Variants in SV2C observed in about 807,000 individuals in gnomAD.
The protein encoded by SV2C is solute carrier family 22 member B3.
SV2C carries 49 observed loss-of-function variants against 79.7 expected under a neutral mutation model. That is an observed-to-expected ratio of 0.61 (90% CI 0.49 to 0.78). The LOEUF (loss-of-function observed/expected upper bound fraction) is 0.78, where lower values mean the gene tolerates loss of function less well. SV2C is among the 30% of genes least tolerant of loss of function. The pLI, the probability that SV2C is intolerant of heterozygous loss-of-function variation, is 0.00. For missense variants in SV2C, 833 were observed against 912.9 expected (o/e 0.91, Z 1.13); for synonymous variants, 334 against 333.2 (o/e 1.00, Z -0.03).
At chr5:76,079,692 CA>C, upstream of SV2C, 1 of 328,470 alleles carries the variant, frequency 3.0e-6, no homozygotes, top group South Asian at 3.4e-5. Flanking sequence ...GTGGAATTCT[CA>C]AAGGAGATCG....
the SV2C span, among the ~76,000 whole-genome samples, chr5:75,922,212 A>G: frequency 3.9e-5 from 6 of 152,314 alleles, no homozygotes; most frequent in South Asian, 4.1e-4. Context: ...AATGCAGGCC[A>G]TAAGTGATAG....
the SV2C span, among the ~76,000 whole-genome samples, chr5:76,054,354 T>A: frequency 6.6e-6 from 1 of 152,240 alleles, no homozygotes; most frequent in African/African-American, 2.4e-5. Context: ...TAGTATTCAT[T>A]GGTGCATATG....
In SV2C at chr5:76,305,146, G is replaced by T. The variant is rs75442919; in HGVS notation, c.2000+3601G>T. Among the ~76,000 whole-genome samples the T allele has an allele frequency of 4.1e-3, 622 of 152,228 alleles. 5 individuals carry two copies. Among genetic ancestry groups the T allele is most frequent in the African/African-American group, 0.014 (587 of 41,544 alleles). On this transcript the variant is annotated intron_variant, in intron 12 of 12. Coordinates refer to ENST00000502798, the MANE Select transcript of SV2C (RefSeq NM_014979.4). ...CACCATTGCGAGGACAGTACCAAGG[G>T]CACAGTGCTAAACCATTCATGAGAA...
chr5:76,050,194 G>A, the SV2C span, among the ~76,000 whole-genome samples: 2 of 152,146 alleles, frequency 1.3e-5, no homozygotes, highest in East Asian at 1.9e-4. Context: ...GTAGACATTC[G>A]TTACATACTG....
At chr5:76,240,299 A>C (rs1478529332) in intron 4 of SV2C, among the ~76,000 whole-genome samples, 1 of 152,224 alleles carries the variant, frequency 6.6e-6, no homozygotes, top group Non-Finnish European at 1.5e-5. Flanking sequence ...TGCTTAAAGC[A>C]GATGTATTTT....
At chr5:76,123,485 A>G (rs1748604742) in intron 1 of SV2C, among the ~76,000 whole-genome samples, 3 of 152,174 alleles carry the variant, frequency 2.0e-5, no homozygotes, top group South Asian at 2.1e-4. Context: ...TCAATAAAAT[A>G]CTGGCAAACC....
chr5:76,101,260 A>G (rs1385499615), intron 1 of SV2C, among the ~76,000 whole-genome samples: 3 of 152,160 alleles, frequency 2.0e-5, no homozygotes, highest in Non-Finnish European at 2.9e-5. Flanking sequence ...TTTGGGCTCA[A>G]TTTCAGCAGA....
chr5:76,151,107 A>T (rs547891148), intron 2 of SV2C, among the ~76,000 whole-genome samples: 5 of 152,320 alleles, frequency 3.3e-5, no homozygotes, highest in South Asian at 2.1e-4. Flanking sequence ...GTGGATTTTT[A>T]AAAAAGGCTT....
chr5:75,877,711 G>A, the SV2C span, among the ~76,000 whole-genome samples: 1 of 151,918 alleles, frequency 6.6e-6, no homozygotes, highest in South Asian at 2.1e-4. Flanking sequence ...AATAAGACAT[G>A]GGGTCGGTCT....
At chr5:75,942,789 G>A in the SV2C span, among the ~76,000 whole-genome samples, 258 of 152,218 alleles carry the variant, frequency 1.7e-3, no homozygotes, top group Non-Finnish European at 3.1e-3. Context: ...TCAATTTACT[G>A]TTATTCCTTC....
chr5:76,077,846 C>G, the SV2C span, among the ~76,000 whole-genome samples: 1 of 152,154 alleles, frequency 6.6e-6, no homozygotes, highest in Admixed American at 6.5e-5. Flanking sequence ...AACCTGGCCA[C>G]CAGAGAGGTG....
At chr5:76,083,707 G>A (rs1318147214) in intron 1 of SV2C, among the ~76,000 whole-genome samples, 195 bp downstream of exon 1, 1 of 152,228 alleles carries the variant, frequency 6.6e-6, no homozygotes, top group African/African-American at 2.4e-5. Flanking sequence ...GTTGGAGAGG[G>A]ACCAGGAAAG....
At chr5:76,041,354 A>T in the SV2C span, among the ~76,000 whole-genome samples, 1 of 152,136 alleles carries the variant, frequency 6.6e-6, no homozygotes, top group Non-Finnish European at 1.5e-5. Flanking sequence ...GGCCTCATGC[A>T]CATGTGTGTG....
chr5:75,858,278 T>C, the SV2C span, among the ~76,000 whole-genome samples: 1 of 152,184 alleles, frequency 6.6e-6, no homozygotes, highest in Non-Finnish European at 1.5e-5. Context: ...GTATGTTCCT[T>C]CTATACCCAT....
At chr5:75,997,581 C>T in the SV2C span, among the ~76,000 whole-genome samples, 5 of 152,150 alleles carry the variant, frequency 3.3e-5, no homozygotes, top group African/African-American at 4.8e-5. Flanking sequence ...CCAAAACACA[C>T]ATGAAAAAAT....
the SV2C span, among the ~76,000 whole-genome samples, chr5:75,897,454 T>C: frequency 6.6e-6 from 1 of 152,020 alleles, no homozygotes; most frequent in Admixed American, 6.5e-5. Context: ...AGTACCATGC[T>C]GTTTTGGTTA....
the SV2C span, among the ~76,000 whole-genome samples, chr5:76,068,040 C>G: frequency 6.6e-6 from 1 of 152,008 alleles, no homozygotes; most frequent in Non-Finnish European, 1.5e-5. Context: ...ATTCTTACGT[C>G]TCAAATCTTT....
chr5:76,336,255 G>A (rs1749323054), downstream of SV2C, among the ~76,000 whole-genome samples: 1 of 151,616 alleles, frequency 6.6e-6, no homozygotes, highest in South Asian at 2.1e-4. Flanking sequence ...TCTCATATGG[G>A]GCGGCTGCCA....
chr5:76,103,468 C>T (rs551977195), intron 1 of SV2C, among the ~76,000 whole-genome samples: 19 of 152,112 alleles, frequency 1.2e-4, no homozygotes, highest in Non-Finnish European at 2.4e-4. Context: ...TGCAAAGAAA[C>T]CCAAAATTCT....
Sources: gnomAD v4.1 joint callset for allele counts (sites outside exome capture counted in the v4.1 genomes callset) on GRCh38, gnomAD v4.1.1 for gene constraint, MANE v1.5 for transcripts, NCBI Gene and HGNC (gene_info 2026-07-23, HGNC 2026-07-21) for gene names.